The following SUPT3H variants were observed in gnomAD, a reference collection of about 807,000 sequenced individuals.
SUPT3H encodes the protein SPT3 homolog, SAGA and STAGA complex component, also known as transcription initiation protein SPT3 homolog.
A neutral mutation model predicts 44.3 loss-of-function variants in SUPT3H; 44 were observed. That is an observed-to-expected ratio of 0.99 (90% confidence interval 0.78 to 1.28). SUPT3H has a LOEUF of 1.28. Among genes scored for constraint, SUPT3H ranks in the 50% most tolerant of loss-of-function variants. The pLI is 0.00. For synonymous variants in SUPT3H, 124 were observed against 125.6 expected (o/e 0.99, Z 0.09); for missense variants, 380 against 387.1 (o/e 0.98, Z 0.15).
At chr6:45,167,310 GA>G (rs1166463219) in intron 2 of SUPT3H, among the ~76,000 whole-genome samples, 3 of 152,176 alleles carry the variant, frequency 2.0e-5, no homozygotes, top group East Asian at 3.9e-4. Context: ...ACCAAAGTCT[GA>G]TGGTCTCCTG....
intron 3 of SUPT3H, among the ~76,000 whole-genome samples, chr6:45,089,150 T>C (rs1293738500): frequency 6.6e-6 from 1 of 152,052 alleles, no homozygotes; most frequent in African/African-American, 2.4e-5. Flanking sequence ...GAGTAGCCTA[T>C]AACATTTTCC....
intron 6 of SUPT3H, among the ~76,000 whole-genome samples, chr6:44,966,078 A>G (rs924092287): frequency 6.6e-6 from 1 of 152,206 alleles, no homozygotes; most frequent in Non-Finnish European, 1.5e-5. Context: ...AATCCATTAA[A>G]AAAATCAAGA....
chr6:45,151,765 A>G (rs891586748), intron 2 of SUPT3H, among the ~76,000 whole-genome samples: 3 of 152,206 alleles, frequency 2.0e-5, no homozygotes, highest in Non-Finnish European at 4.4e-5. Flanking sequence ...CTAGGCAAGT[A>G]TTGTCTACCA....
chr6:45,193,294 T>C (rs1336979394), intron 2 of SUPT3H, among the ~76,000 whole-genome samples: 1 of 152,176 alleles, frequency 6.6e-6, no homozygotes, highest in Non-Finnish European at 1.5e-5. Context: ...AAATAGGCCA[T>C]GATCAGAAAA....
intron 2 of SUPT3H, among the ~76,000 whole-genome samples, chr6:45,140,105 C>G (rs1804931913): frequency 6.6e-6 from 1 of 152,078 alleles, no homozygotes; most frequent in African/African-American, 2.4e-5. Flanking sequence ...TTATCCCCCA[C>G]TTCACTGGTG....
At chr6:44,882,491 T>C (rs1348952347) in intron 10 of SUPT3H, among the ~76,000 whole-genome samples, 2 of 152,202 alleles carry the variant, frequency 1.3e-5, no homozygotes, top group African/African-American at 4.8e-5. Context: ...TCTGAAACTA[T>C]TCCAAACAAT....
At chr6:45,122,585 C>T (rs1366329853) in intron 2 of SUPT3H, among the ~76,000 whole-genome samples, 3 of 152,110 alleles carry the variant, frequency 2.0e-5, no homozygotes, top group Non-Finnish European at 4.4e-5. Flanking sequence ...CCAATGACTT[C>T]ATAACAAAGT....
chr6:45,116,026 C>T (rs1197055833), intron 2 of SUPT3H, among the ~76,000 whole-genome samples: 1 of 152,180 alleles, frequency 6.6e-6, no homozygotes, highest in Non-Finnish European at 1.5e-5. Flanking sequence ...CTCAATGCTT[C>T]CTGAAAACCC....
At position 44,911,448 on chromosome 6, in the gene SUPT3H, C is replaced by G. The variant is rs560158752; in HGVS notation, c.912+21205G>C. Reference sequence around the variant, plus strand: ...CATTCAAAAGACGATGCATTACTTACGGCATAAAAAATACTTCTGGAATTT... The same window carrying G: ...CATTCAAAAGACGATGCATTACTTAGGGCATAAAAAATACTTCTGGAATTT... On this transcript the variant is annotated intron_variant, in intron 10 of 10. Transcript: ENST00000371459. Among the ~76,000 whole-genome samples, 8 of 152,236 alleles carry G rather than the reference C, an allele frequency of 5.3e-5. No individual in the cohort carries two copies. In the South Asian group the frequency reaches 1.2e-3, roughly 24 times the overall value.
rs1378460740 is a variant in SUPT3H, at chr6:45,299,764, A to T, written c.101+65437T>A. ...ACCCCGGCTCTGCCAAAAAAAAAAA[A>T]AAATTAATTAATTAACAGTATCATG... On this transcript the variant is annotated intron_variant, in intron 2 of 10. Transcript: ENST00000371459. Among the ~76,000 whole-genome samples the T allele has an allele frequency of 2.6e-5, 4 of 152,058 alleles. No individual in the cohort carries two copies. In the East Asian group the frequency reaches 5.8e-4, roughly 22 times the overall value.
intron 2 of SUPT3H, among the ~76,000 whole-genome samples, chr6:45,233,509 T>A (rs921731154): frequency 6.6e-6 from 1 of 152,190 alleles, no homozygotes; most frequent in East Asian, 1.9e-4. Context: ...TCTCTCTGGT[T>A]CCAACCACAG....
Position 44,848,229 on chromosome 6 carries a change from C to G in SUPT3H, c.913-18372G>C, listed in dbSNP as rs534223542. ...AAGTGATCCACCTGTCTCAGCCTCC[C>G]AAAGTGCTAGGATTACAGGAGTGAG... On this transcript the variant is annotated intron_variant, in intron 10 of 10. Transcript: ENST00000371459. Among the ~76,000 whole-genome samples, 31 of 152,222 alleles carry G rather than the reference C, an allele frequency of 2.0e-4. No individual in the cohort carries two copies. The East Asian group carries it at 5.4e-3, about 27-fold the overall frequency.
In SUPT3H at chr6:45,104,570, T is replaced by C. The variant is rs115675930; in HGVS notation, c.186+1352A>G. 5.3e-3 allele frequency among the ~76,000 whole-genome samples: 809 copies of C among 152,194 alleles called. 7 individuals carry two copies. Among genetic ancestry groups the C allele is most frequent in the African/African-American group, 0.018 (755 of 41,564 alleles). ...CAGCAGTTTGAACATGGATTTCTTT[T>C]AATTTGTTCTAAACGGAGTTGGCTC... On this transcript the variant is annotated intron_variant, in intron 3 of 10. Coordinates refer to ENST00000371459, the MANE Select transcript of SUPT3H (RefSeq NM_003599.4).
At chr6:45,184,023 T>C (rs1262091977) in intron 2 of SUPT3H, among the ~76,000 whole-genome samples, 2 of 152,192 alleles carry the variant, frequency 1.3e-5, no homozygotes, top group Non-Finnish European at 2.9e-5. Context: ...ATACATGTCA[T>C]ACATTTGTCA....
rs113623903 is a variant in SUPT3H at position 45,269,477 on chromosome 6, A to G, written c.101+95724T>C. Among the ~76,000 whole-genome samples the G allele has an allele frequency of 3.6e-3, 552 of 152,318 alleles. 1 individual carries two copies. The highest frequency in any genetic ancestry group is 0.013 in the African/African-American group (527 of 41,582). On this transcript the variant is annotated intron_variant, in intron 2 of 10. Coordinates refer to ENST00000371459, the MANE Select transcript of SUPT3H (RefSeq NM_003599.4). ...CATGACAACTACAATTTGAGAGTCT[A>G]CTAAGCTCTGAGTATTAGGCACGCA...
At chr6:45,278,882 G>A (rs982573071) in intron 2 of SUPT3H, among the ~76,000 whole-genome samples, 6 of 152,074 alleles carry the variant, frequency 3.9e-5, no homozygotes, top group African/African-American at 1.4e-4. Flanking sequence ...CACAAAAAGT[G>A]CTAATTGTGA....
intron 3 of SUPT3H, among the ~76,000 whole-genome samples, chr6:45,073,171 C>T (rs746107102): frequency 4.5e-4 from 69 of 152,018 alleles, no homozygotes; most frequent in Non-Finnish European, 1.0e-4. Flanking sequence ...ATTCCATGAG[C>T]AGTGTCATTC....
intron 6 of SUPT3H, among the ~76,000 whole-genome samples, chr6:44,981,534 G>A (rs1449179336): frequency 6.6e-6 from 1 of 152,052 alleles, no homozygotes; most frequent in Non-Finnish European, 1.5e-5. Context: ...CAAATATTTT[G>A]AAATATTCTT....
In SUPT3H at chr6:45,281,526, T is replaced by G. The variant is rs190035656; in HGVS notation, c.101+83675A>C. Among the ~76,000 whole-genome samples, 388 of 152,204 alleles carry G rather than the reference T, an allele frequency of 2.5e-3. 3 individuals carry two copies. Among genetic ancestry groups the G allele is most frequent in the African/African-American group, 8.5e-3 (354 of 41,504 alleles). ...AGCAGTCTGAGATCAAACTGCAAGG[T>G]GGCAGCGAGGTTGGGGGAGGGGCGC... On this transcript the variant is annotated intron_variant, in intron 2 of 10. Coordinates refer to ENST00000371459, the MANE Select transcript of SUPT3H (RefSeq NM_003599.4).
Sources: gnomAD v4.1 joint callset for allele counts (sites outside exome capture counted in the v4.1 genomes callset) on GRCh38, gnomAD v4.1.1 for gene constraint, MANE v1.5 for transcripts, NCBI Gene and HGNC (gene_info 2026-07-23, HGNC 2026-07-21) for gene names.